Variants in TRIO observed in about 807,000 individuals in gnomAD.
The protein encoded by TRIO is triple functional domain protein.
A neutral mutation model predicts 351.9 loss-of-function variants in TRIO; 58 were observed. That is an observed-to-expected ratio of 0.16 (90% CI 0.13 to 0.21). The LOEUF (loss-of-function observed/expected upper bound fraction) is 0.21. Ranked by LOEUF, TRIO falls within the 10% of genes least tolerant of loss-of-function variation. The pLI is 1.00. For missense variants in TRIO, 3,201 were observed against 4,027.8 expected (o/e 0.79, Z 5.56); for synonymous variants, 1,758 against 1,595.7 (o/e 1.10, Z -2.42).
chr5:14,380,339 G>GCGCCCCGC (rs1250367800), intron 20 of TRIO, among the ~76,000 whole-genome samples: 3 of 142,840 alleles, frequency 2.1e-5, no homozygotes, highest in East Asian at 2.1e-4. Context: ...CTCCTCCTTC[G>GCGCCCCGC]CTCCTCGCTC....
At chr5:14,383,607 G>A (rs1401366404) in intron 21 of TRIO, among the ~76,000 whole-genome samples, 1 of 152,202 alleles carries the variant, frequency 6.6e-6, no homozygotes, top group African/African-American at 2.4e-5. Context: ...TGACCTTTCT[G>A]ATCCTCAGAT....
At chr5:14,270,390 T>C (rs1795912242) in intron 1 of TRIO, among the ~76,000 whole-genome samples, 1 of 152,240 alleles carries the variant, frequency 6.6e-6, no homozygotes, top group African/African-American at 2.4e-5. Context: ...TCTGATGGAA[T>C]GAGGCATTGA....
At chr5:14,292,647 C>T (rs547980322) in intron 5 of TRIO, among the ~76,000 whole-genome samples, 14 of 152,344 alleles carry the variant, frequency 9.2e-5, no homozygotes, top group African/African-American at 2.2e-4. Flanking sequence ...TTCACCCTAA[C>T]GGGTCTTTAA....
intron 28 of TRIO, among the ~76,000 whole-genome samples, chr5:14,395,907 A>G (rs77095843): frequency 0.034 from 5,174 of 152,076 alleles, 309 homozygotes; most frequent in African/African-American, 0.12. Flanking sequence ...CTAGCCGGGC[A>G]TGGTGGCGGG....
chr5:14,157,532 C>CCTCTCTCTCCCTGTCTCT (rs879908891), intron 1 of TRIO, among the ~76,000 whole-genome samples: 15,469 of 103,812 alleles, frequency 0.15, 2,703 homozygotes, highest in East Asian at 0.33. Flanking sequence ...TCCCTGTCTC[C>CCTCTCTCTCCCTGTCTCT]CTCTCTCTCC....
rs1756028158 is a variant in TRIO at position 14,487,526 on chromosome 5, G to A, written c.6898G>A (p.Gly2300Arg). Reference protein sequence around the residue: ...HSGGGGGGGSGGSGGGGGSGG... With the variant: ...HSGGGGGGGSRGSGGGGGSGG... Reference sequence around the variant, plus strand: ...CGGGGGCGGCGGCGGCGGCGGCAGCGGGGGCAGCGGCGGGGGTGGGGGCAG... The same window carrying A: ...CGGGGGCGGCGGCGGCGGCGGCAGCAGGGGCAGCGGCGGGGGTGGGGGCAG... Residue 2300 changes from glycine to arginine, a missense_variant, in exon 48 of 57, where the codon GGG becomes AGG. Physicochemically the swap from Gly to Arg is moderately radical, Grantham distance 125 (BLOSUM62 -2). Coordinates refer to ENST00000344204, the MANE Select transcript of TRIO (RefSeq NM_007118.4). 1.9e-6 allele frequency: 2 copies of A among 1,053,256 alleles called. No homozygotes were observed. Among genetic ancestry groups the A allele is most frequent in the Non-Finnish European group, 1.2e-6 (1 of 864,374 alleles). 65.2% of individuals were successfully genotyped at this position (1,053,256 alleles called of 1,614,324 possible).
chr5:14,148,385 CTTTG>C (rs535046890), intron 1 of TRIO, among the ~76,000 whole-genome samples: 160 of 152,258 alleles, frequency 1.1e-3, no homozygotes, highest in African/African-American at 3.8e-3. Context: ...TCAATATTTA[CTTTG>C]TTTATTTACT....
At chr5:14,182,000 T>C (rs551179542) in intron 1 of TRIO, among the ~76,000 whole-genome samples, 9 of 152,178 alleles carry the variant, frequency 5.9e-5, no homozygotes, top group Admixed American at 1.3e-4. Context: ...CTGACTTGTA[T>C]TTAAGAAATT....
At chr5:14,463,542 T>C (rs1379542152) in intron 36 of TRIO, among the ~76,000 whole-genome samples, 1 of 152,224 alleles carries the variant, frequency 6.6e-6, no homozygotes, top group Non-Finnish European at 1.5e-5. Context: ...AATTATTTTG[T>C]CAGCCCAATT....
rs372739609 is a variant in TRIO, at chr5:14,507,377, G to C, written c.8751+117G>C. On this transcript the variant is annotated intron_variant, in intron 56 of 56. Transcript: ENST00000344204. ...CCCCCAAGTGACTAGGGACAAAAAG[G>C]GTGGGTGGGGCAGCGCAGACACTGA... is the stretch of plus-strand genomic sequence containing the variant. 195 of 1,444,468 alleles carry C rather than the reference G, an allele frequency of 1.3e-4. 1 individual carries two copies. The African/African-American group carries it at 2.6e-3, about 19-fold the overall frequency. The allele number at this position is 1,444,468 out of a possible 1,614,324, so 89.5% of individuals were successfully genotyped here.
rs749422883 is a variant in TRIO, at chr5:14,488,002, C to T, written c.7374C>T (p.Asn2458=). The change falls in exon 48 of 57, where the codon AAC becomes AAT. Residue 2458 remains asparagine, a synonymous_variant. Transcript: ENST00000344204. ...KPRAGAASPL[N]SPLSSAVPSL... ...GGGCCGGGGCCGCTTCGCCGCTGAA[C>T]TCGCCGCTCTCCAGCGCGGTCCCTT... 1.3e-6 allele frequency: 2 copies of T among 1,573,802 alleles called. No homozygotes were observed. Among genetic ancestry groups the T allele is most frequent in the Non-Finnish European group, 1.7e-6 (2 of 1,160,914 alleles).
In TRIO at chr5:14,509,357, C is replaced by T. The variant is rs1462505280; in HGVS notation, c.*935C>T. On this transcript the variant is annotated 3_prime_UTR_variant, in exon 57 of 57. Coordinates refer to ENST00000344204, the MANE Select transcript of TRIO (RefSeq NM_007118.4). ...AAATATATAGAAAAAGCACATACTT[C>T]GTATGGTGAGCTTTATGGTTTTGTG... 11 of 418,474 alleles carry T rather than the reference C, an allele frequency of 2.6e-5. No homozygotes were observed. The highest frequency in any genetic ancestry group is 4.3e-4 in the Middle Eastern group (1 of 2,322). The allele number at this position is 418,474 out of a possible 1,614,324, so 25.9% of individuals were successfully genotyped here.
intron 27 of TRIO, among the ~76,000 whole-genome samples, chr5:14,393,641 T>G (rs919364008): frequency 2.0e-5 from 3 of 152,112 alleles, no homozygotes; most frequent in South Asian, 2.1e-4. Context: ...TGTAAAGTGG[T>G]GAGTAGCACA....
chr5:14,231,843 GATTT>G (rs1366282023), intron 1 of TRIO, among the ~76,000 whole-genome samples: 1 of 123,190 alleles, frequency 8.1e-6, no homozygotes, highest in Admixed American at 7.7e-5. Context: ...GCCAGTGACT[GATTT>G]TTTTTTTTTT....
At chr5:14,179,566 C>T (rs1310946418) in intron 1 of TRIO, among the ~76,000 whole-genome samples, 1 of 151,734 alleles carries the variant, frequency 6.6e-6, no homozygotes, top group Non-Finnish European at 1.5e-5. Context: ...AAGTGATCCT[C>T]CTGCCTCAGC....
At chr5:14,482,836 G>GT in intron 46 of TRIO, 63 bp downstream of exon 46, 4 of 1,364,368 alleles carry the variant, frequency 2.9e-6, no homozygotes, top group Non-Finnish European at 3.9e-6. Context: ...CCGATACACT[G>GT]TTTCCTTTTA....
intron 15 of TRIO, among the ~76,000 whole-genome samples, chr5:14,366,217 G>GCAATAGGTA (rs1161320990): frequency 1.2e-3 from 178 of 152,182 alleles, no homozygotes; most frequent in Admixed American, 2.4e-3. Context: ...AAACGAGAGG[G>GCAATAGGTA]CAATAGGTAT....
In TRIO at chr5:14,419,783, T is replaced by G; in HGVS notation, c.4965T>G (p.Ser1655=). The G allele has an allele frequency of 6.2e-7, 1 of 1,614,200 alleles. No individual in the cohort carries two copies. The change falls in exon 34 of 57, where the codon TCT becomes TCG. Residue 1655 remains serine (S), a synonymous_variant. Transcript: ENST00000344204. ...TCTTCCTCTGTTCCCCCCAGCTCTC[T>G]GGTGGCTGTGAGCTGACAGTGGTGA... ...SQNTLDSDKL[S]GGCELTVVIH...
chr5:14,320,049 A>G (rs1739737560), intron 9 of TRIO, among the ~76,000 whole-genome samples: 2 of 152,190 alleles, frequency 1.3e-5, no homozygotes, highest in African/African-American at 4.8e-5. Flanking sequence ...CCAGATGCAC[A>G]TGCTGGCTGC....
Sources: allele counts gnomAD v4.1 joint callset (sites outside exome capture counted in the v4.1 genomes callset), GRCh38; gene constraint gnomAD v4.1.1; transcripts MANE v1.5; gene names NCBI Gene and HGNC (gene_info 2026-07-23, HGNC 2026-07-21).